CATSPERT: variants seen among roughly 807,000 people sequenced by gnomAD.
CATSPERT encodes the protein cation channel sperm-associated targeting subunit tau.
the CATSPERT span, among the ~76,000 whole-genome samples, chr2:201,501,395 CAAAAAAAAAAAAAA>C: frequency 2.1e-5 from 1 of 46,602 alleles, no homozygotes; most frequent in Admixed American, 3.0e-4. Context: ...AACTCCATCT[CAAAAAAAAAAAAAA>C]AAAAAAAAAA....
At chr2:201,516,946 T>C in the CATSPERT span, among the ~76,000 whole-genome samples, 3 of 128,698 alleles carry the variant, frequency 2.3e-5, no homozygotes, top group South Asian at 2.4e-4. Context: ...TTTTTTTTTT[T>C]CTATTTCACC....
the CATSPERT span, among the ~76,000 whole-genome samples, chr2:201,538,135 A>G: frequency 6.6e-6 from 1 of 152,068 alleles, no homozygotes; most frequent in East Asian, 1.9e-4. Context: ...GAACTTCATC[A>G]TCTTGCATAA....
At chr2:201,578,562 T>G in the CATSPERT span, among the ~76,000 whole-genome samples, 261 of 152,252 alleles carry the variant, frequency 1.7e-3, no homozygotes, top group Non-Finnish European at 3.3e-3. Context: ...TGTATTTGGG[T>G]CTTTTTATAT....
chr2:201,617,742 A>G, the CATSPERT span, among the ~76,000 whole-genome samples: 9 of 152,238 alleles, frequency 5.9e-5, no homozygotes, highest in Non-Finnish European at 1.2e-4. Flanking sequence ...TCTGCACAGC[A>G]AAAGAAACTA....
At chr2:201,523,455 C>G in the CATSPERT span, among the ~76,000 whole-genome samples, 2 of 152,124 alleles carry the variant, frequency 1.3e-5, no homozygotes, top group South Asian at 4.1e-4. Flanking sequence ...CAGCCAAACC[C>G]TCAAGGGAAT....
At chr2:201,502,397 C>T in the CATSPERT span, among the ~76,000 whole-genome samples, 3 of 151,946 alleles carry the variant, frequency 2.0e-5, no homozygotes, top group African/African-American at 7.3e-5. Flanking sequence ...CATGATGAAA[C>T]CCCGTCTCTA....
the CATSPERT span, among the ~76,000 whole-genome samples, chr2:201,568,140 A>G: frequency 1.3e-5 from 2 of 152,150 alleles, no homozygotes; most frequent in African/African-American, 4.8e-5. Flanking sequence ...CACCCATACC[A>G]TGGACCCCTA....
At chr2:201,535,151 C>T in the CATSPERT span, 1 of 983,744 alleles carries the variant, frequency 1.0e-6, no homozygotes, top group Non-Finnish European at 1.2e-6. Context: ...GAGTAATTCC[C>T]AGTTAAAATT....
At chr2:201,593,049 T>C in the CATSPERT span, among the ~76,000 whole-genome samples, 1 of 152,014 alleles carries the variant, frequency 6.6e-6, no homozygotes, top group South Asian at 2.1e-4. Flanking sequence ...GCTCTTGCTT[T>C]TCTAGTTCTT....
chr2:201,548,314 AT>A, the CATSPERT span, among the ~76,000 whole-genome samples: 1 of 152,090 alleles, frequency 6.6e-6, no homozygotes, highest in Non-Finnish European at 1.5e-5. Context: ...TGGCTTTCTT[AT>A]ATCCTCACAT....
At chr2:201,493,888 T>C in the CATSPERT span, 141 of 1,537,152 alleles carry the variant, frequency 9.2e-5, no homozygotes, top group Admixed American at 2.7e-3. Context: ...AGAGACATGT[T>C]CTTCTACCTC....
the CATSPERT span, among the ~76,000 whole-genome samples, chr2:201,519,082 C>T: frequency 6.6e-6 from 1 of 152,186 alleles, no homozygotes; most frequent in East Asian, 1.9e-4. Context: ...TAAAGAGCCT[C>T]ACCTGGAAGG....
chr2:201,583,001 C>T, the CATSPERT span, among the ~76,000 whole-genome samples: 1 of 152,110 alleles, frequency 6.6e-6, no homozygotes, highest in Non-Finnish European at 1.5e-5. Context: ...AACAATTTGG[C>T]ATCTTGATTA....
At chr2:201,487,747 G>C in the CATSPERT span, 4 of 1,614,114 alleles carry the variant, frequency 2.5e-6, no homozygotes, top group Non-Finnish European at 3.4e-6. Context: ...CTCGTTGCTT[G>C]TTAACCTCCG....
At chr2:201,567,439 G>C in the CATSPERT span, among the ~76,000 whole-genome samples, 1 of 152,162 alleles carries the variant, frequency 6.6e-6, no homozygotes, top group Non-Finnish European at 1.5e-5. Context: ...TATGGAGGCT[G>C]AGAAGTCCCA....
At chr2:201,545,613 A>G in the CATSPERT span, 1 of 948,694 alleles carries the variant, frequency 1.1e-6, no homozygotes, top group Non-Finnish European at 1.4e-6. Flanking sequence ...CCTCATCTAT[A>G]TTAGTTTCCT....
chr2:201,495,699 TTTTTGAGAAATA>T, the CATSPERT span, among the ~76,000 whole-genome samples: 1 of 151,336 alleles, frequency 6.6e-6, no homozygotes, highest in Non-Finnish European at 1.5e-5. Context: ...TTTTTTTTTT[TTTTTGAGAAATA>T]CAAATTCCCA....
the CATSPERT span, among the ~76,000 whole-genome samples, chr2:201,558,989 C>T: frequency 6.6e-6 from 1 of 152,194 alleles, no homozygotes; most frequent in African/African-American, 2.4e-5. Flanking sequence ...GGAACTGAAA[C>T]TGCCACTCTC....
the CATSPERT span, chr2:201,494,770 A>G: frequency 6.8e-7 from 1 of 1,466,978 alleles, no homozygotes; most frequent in South Asian, 1.4e-5. Flanking sequence ...CTGCAATATT[A>G]AAAAAAAGGT....
Sources: gnomAD v4.1 joint callset for allele counts (sites outside exome capture counted in the v4.1 genomes callset) on GRCh38, gnomAD v4.1.1 for gene constraint, MANE v1.5 for transcripts, NCBI Gene and HGNC (gene_info 2026-07-23, HGNC 2026-07-21) for gene names.